LAMC2: variants seen among roughly 807,000 people sequenced by gnomAD.
LAMC2 encodes the protein laminin subunit gamma 2.
In LAMC2, 97 loss-of-function variants were observed where a neutral mutation model predicts 140.2. That is an observed-to-expected ratio of 0.69 (90% CI 0.59 to 0.82). The LOEUF is 0.82. Among genes scored for constraint, LAMC2 ranks in the 40% least tolerant of loss-of-function variants. LAMC2 has a pLI of 0.00. For synonymous variants in LAMC2, 513 were observed against 540.2 expected (o/e 0.95, Z 0.70); for missense variants, 1,402 against 1,476.1 (o/e 0.95, Z 0.82).
intron 4 of LAMC2, 98 bp downstream of exon 4, chr1:183,218,586 T>G (rs1453953314): frequency 1.1e-6 from 1 of 905,184 alleles, no homozygotes; most frequent in East Asian, 2.6e-5. Flanking sequence ...AAGGGATACT[T>G]GACAAACGTT....
chr1:183,192,157 C>T (rs148720763), intron 1 of LAMC2, among the ~76,000 whole-genome samples: 2 of 152,298 alleles, frequency 1.3e-5, no homozygotes, highest in East Asian at 3.9e-4. Flanking sequence ...TATGGAAGAA[C>T]CTGAGTCTTT....
downstream of LAMC2, among the ~76,000 whole-genome samples, chr1:183,247,171 G>A (rs975694763): frequency 2.0e-5 from 3 of 152,154 alleles, no homozygotes; most frequent in South Asian, 6.2e-4. Flanking sequence ...AATTAACTGC[G>A]CATGGTGGCA....
At chr1:183,208,227 C>T (rs1031465892) in intron 2 of LAMC2, among the ~76,000 whole-genome samples, 158 bp downstream of exon 2, 3 of 152,156 alleles carry the variant, frequency 2.0e-5, no homozygotes, top group African/African-American at 7.2e-5. Context: ...TCAACCTCAC[C>T]AACAACTGGG....
chr1:183,232,639 T>C lies in LAMC2; in HGVS notation c.2015-13T>C. On this transcript the variant is annotated splice_polypyrimidine_tract_variant and intron_variant, in intron 13 of 22. Transcript: ENST00000264144. ...AGAAAGTGCTCATGCTCCCTTTCCT[T>C]CTTTGCGTTCAGGTGCTAGCAGATC... 6.2e-7 allele frequency: 1 copy of C among 1,610,832 alleles called. No individual in the cohort carries two copies. The highest frequency in any genetic ancestry group is 2.2e-5 in the East Asian group (1 of 44,878).
At chr1:183,234,492 G>C (rs755840804) in intron 15 of LAMC2, 46 bp downstream of exon 15, 9 of 1,436,820 alleles carry the variant, frequency 6.3e-6, no homozygotes, top group Non-Finnish European at 3.9e-6. Context: ...GTCTCTGCAA[G>C]GCCAGACTTG....
At chr1:183,247,861 T>A (rs866764738), downstream of LAMC2, among the ~76,000 whole-genome samples, 26 of 152,354 alleles carry the variant, frequency 1.7e-4, no homozygotes, top group Middle Eastern at 3.4e-3. Flanking sequence ...TTAGTTAAGA[T>A]CTTTCAAGCT....
intron 1 of LAMC2, among the ~76,000 whole-genome samples, chr1:183,194,720 C>A (rs1047134990): frequency 7.9e-5 from 12 of 152,144 alleles, no homozygotes; most frequent in Non-Finnish European, 7.3e-5. Context: ...ATCTCTGATT[C>A]CCTTTATTTC....
chr1:183,222,837 T>C (rs1002241218), intron 6 of LAMC2, among the ~76,000 whole-genome samples: 3 of 152,230 alleles, frequency 2.0e-5, no homozygotes, highest in Non-Finnish European at 4.4e-5. Flanking sequence ...AGTTGTGCTA[T>C]GCTGATAGGC....
chr1:183,235,510 A>T, intron 15 of LAMC2, 65 bp from the exon 16 acceptor site: 2 of 1,588,306 alleles, frequency 1.3e-6, no homozygotes, highest in Non-Finnish European at 1.7e-6. Context: ...CCTTCGTGTA[A>T]CTGAACAACC....
intron 2 of LAMC2, among the ~76,000 whole-genome samples, chr1:183,210,290 T>C (rs896266758): frequency 2.6e-5 from 4 of 152,164 alleles, no homozygotes; most frequent in Non-Finnish European, 5.9e-5. Flanking sequence ...ACCATCATCA[T>C]TAGGTCACTC....
At chr1:183,194,918 G>T (rs1299079779) in intron 1 of LAMC2, among the ~76,000 whole-genome samples, 2 of 152,142 alleles carry the variant, frequency 1.3e-5, no homozygotes, top group African/African-American at 4.8e-5. Context: ...TTCCATGGAG[G>T]TGGTTGCTGT....
chr1:183,220,743 G>A (rs1028937902), intron 4 of LAMC2, 82 bp from the exon 5 acceptor site: 1 of 1,380,934 alleles, frequency 7.2e-7, no homozygotes, highest in African/African-American at 1.4e-5. Context: ...AGAGAAGGTA[G>A]AGAGGCTGAC....
chr1:183,245,882 G>A (rs1170211402), downstream of LAMC2, among the ~76,000 whole-genome samples: 1 of 152,126 alleles, frequency 6.6e-6, no homozygotes, highest in African/African-American at 2.4e-5. Flanking sequence ...TTTAAAAGTC[G>A]TAAGAGGCTG....
intron 1 of LAMC2, among the ~76,000 whole-genome samples, chr1:183,203,209 A>G (rs1052434271): frequency 6.6e-6 from 1 of 152,212 alleles, no homozygotes; most frequent in African/African-American, 2.4e-5. Flanking sequence ...GATGTTGACT[A>G]CAACAGGCAT....
intron 1 of LAMC2, among the ~76,000 whole-genome samples, chr1:183,206,955 GGAGT>G (rs1261400743): frequency 6.6e-6 from 1 of 152,228 alleles, no homozygotes; most frequent in Non-Finnish European, 1.5e-5. Flanking sequence ...CGTGTTTCAT[GGAGT>G]GAGTGATGAA....
chr1:183,245,581 T>C (rs1181736039), downstream of LAMC2, among the ~76,000 whole-genome samples: 1 of 152,186 alleles, frequency 6.6e-6, no homozygotes, highest in East Asian at 1.9e-4. Flanking sequence ...GGAGGAAGGA[T>C]ACACAGGAAA....
Position 183,243,945 on chromosome 1 carries a change from A to G in LAMC2, c.*545A>G, listed in dbSNP as rs1318074601. On this transcript the variant is annotated 3_prime_UTR_variant, in exon 23 of 23. Transcript: ENST00000264144. Reference sequence around the variant, plus strand: ...CCTACTTACAACCCAGGGTGTGAACATGTTCTCCATTTTCAAGCTGGAAGA... The same window carrying G: ...CCTACTTACAACCCAGGGTGTGAACGTGTTCTCCATTTTCAAGCTGGAAGA... 1 of 174,504 alleles carries G rather than the reference A, an allele frequency of 5.7e-6. No homozygotes were observed. The highest frequency in any genetic ancestry group is 1.4e-4 in the East Asian group (1 of 6,930). The allele number at this position is 174,504 out of a possible 1,614,324, so 10.8% of individuals were successfully genotyped here.
chr1:183,215,932 T>C (rs2102210830), intron 3 of LAMC2, among the ~76,000 whole-genome samples: 1 of 152,288 alleles, frequency 6.6e-6, no homozygotes, highest in Non-Finnish European at 1.5e-5. Flanking sequence ...AGGCAACAAG[T>C]CCTTCAAGTA....
intron 1 of LAMC2, among the ~76,000 whole-genome samples, chr1:183,204,218 G>A (rs1310244766): frequency 6.6e-6 from 1 of 152,160 alleles, no homozygotes; most frequent in Non-Finnish European, 1.5e-5. Context: ...TTGAGCCCGG[G>A]AGGTTGAGGC....
Sources: gnomAD v4.1 joint callset for allele counts (sites outside exome capture counted in the v4.1 genomes callset) on GRCh38, gnomAD v4.1.1 for gene constraint, MANE v1.5 for transcripts, NCBI Gene and HGNC (gene_info 2026-07-23, HGNC 2026-07-21) for gene names.